Variants in FOXN3 observed in about 807,000 individuals in gnomAD.
FOXN3 encodes the protein forkhead box protein N3.
Under a neutral mutation model 38.4 loss-of-function variants are expected in FOXN3, and 7 were observed. That is an observed-to-expected ratio of 0.18 (90% CI 0.10 to 0.34). The LOEUF (loss-of-function observed/expected upper bound fraction) is 0.34. FOXN3 is among the 10% of genes least tolerant of loss of function. The pLI, the probability that FOXN3 is intolerant of heterozygous loss-of-function variation, is 1.00. For synonymous variants in FOXN3, 230 were observed against 242.2 expected (o/e 0.95, Z 0.47); for missense variants, 456 against 613.4 (o/e 0.74, Z 2.71).
rs536038071 is a variant in FOXN3, at chr14:89,246,064, T to C, written c.745+34886A>G. On this transcript the variant is annotated intron_variant, in intron 4 of 5. Coordinates refer to ENST00000557258, the MANE Select transcript of FOXN3 (RefSeq NM_005197.4). ...TTTCCCCCGCACTGGGTGATGAAAA[T>C]ATTCTAAAACTGCTTGTGCTGATGG... is the stretch of plus-strand genomic sequence containing the variant. 3.9e-5 allele frequency among the ~76,000 whole-genome samples: 6 copies of C among 152,218 alleles called. No homozygotes were observed. The East Asian group carries it at 9.7e-4, about 24-fold the overall frequency.
intron 1 of FOXN3, among the ~76,000 whole-genome samples, chr14:89,530,682 T>C (rs1252408837): frequency 2.0e-5 from 3 of 151,754 alleles, no homozygotes; most frequent in Non-Finnish European, 4.4e-5. Context: ...CGATCTTGGC[T>C]CACTGCAACC....
intron 4 of FOXN3, among the ~76,000 whole-genome samples, chr14:89,234,274 G>A (rs534552924): frequency 6.6e-6 from 1 of 152,174 alleles, no homozygotes; most frequent in Non-Finnish European, 1.5e-5. Context: ...AGTTCTGGAG[G>A]CTAGAAGTCC....
At chr14:89,387,804 C>T (rs548204239) in intron 2 of FOXN3, among the ~76,000 whole-genome samples, 1 of 152,278 alleles carries the variant, frequency 6.6e-6, no homozygotes, top group Admixed American at 6.5e-5. Context: ...ACCATGTGCA[C>T]CATGCAAGGT....
At chr14:89,404,877 A>G (rs955222193) in intron 2 of FOXN3, among the ~76,000 whole-genome samples, 13 of 152,152 alleles carry the variant, frequency 8.5e-5, no homozygotes, top group Non-Finnish European at 1.8e-4. Flanking sequence ...CCCACCCAAC[A>G]TTACACTAAT....
intron 1 of FOXN3, among the ~76,000 whole-genome samples, chr14:89,603,120 G>C (rs753640953): frequency 2.6e-4 from 39 of 151,548 alleles, no homozygotes; most frequent in Non-Finnish European, 4.7e-4. Flanking sequence ...TAATGGAAAG[G>C]GAAAAAAAAA....
intron 1 of FOXN3, among the ~76,000 whole-genome samples, chr14:89,560,990 AG>A (rs1395534260): frequency 6.6e-6 from 1 of 152,200 alleles, no homozygotes; most frequent in Non-Finnish European, 1.5e-5. Context: ...AGAACAGGTA[AG>A]GGAGTTTGGA....
At chr14:89,411,147 G>C (rs774692291) in intron 2 of FOXN3, among the ~76,000 whole-genome samples, 1 of 152,148 alleles carries the variant, frequency 6.6e-6, no homozygotes, top group Non-Finnish European at 1.5e-5. Flanking sequence ...TGTATGCAAC[G>C]GATCTAGGTT....
intron 3 of FOXN3, among the ~76,000 whole-genome samples, chr14:89,315,533 C>T (rs1383029566): frequency 6.6e-6 from 1 of 152,154 alleles, no homozygotes; most frequent in African/African-American, 2.4e-5. Context: ...CCGAACTCTC[C>T]TCCATGGCTT....
chr14:89,387,818 T>C (rs945130911), intron 2 of FOXN3, among the ~76,000 whole-genome samples: 1 of 152,116 alleles, frequency 6.6e-6, no homozygotes. Flanking sequence ...GCAAGGTGAA[T>C]TCTGCAGGGC....
chr14:89,324,443 CGTGTGTGTGTGTGTGT>C (rs71130053), intron 3 of FOXN3, among the ~76,000 whole-genome samples: 45 of 143,490 alleles, frequency 3.1e-4, no homozygotes, highest in South Asian at 7.0e-4. Context: ...TAAGTGTGTG[CGTGTGTGTGTGTGTGT>C]GTGTGTGTGT....
chr14:89,270,334 G>T (rs118035615), intron 4 of FOXN3, among the ~76,000 whole-genome samples: 2,199 of 152,334 alleles, frequency 0.014, 31 homozygotes, highest in Middle Eastern at 0.024. Context: ...GCTGTTGTCT[G>T]TCGGGGGTGG....
At position 89,252,690 on chromosome 14, in the gene FOXN3, T is replaced by G. The variant is rs377520543; in HGVS notation, c.745+28260A>C. On this transcript the variant is annotated intron_variant, in intron 4 of 5. Transcript: ENST00000557258. ...AAAAAAAAAATCAGGAAATTTTACA[T>G]AAATATCTCGAAGAGGTGTGTGAAG... is the stretch of plus-strand genomic sequence containing the variant. 7.3e-5 allele frequency among the ~76,000 whole-genome samples: 11 copies of G among 149,796 alleles called. No homozygotes were observed. In the South Asian group the frequency reaches 2.3e-3, roughly 32 times the overall value.
At chr14:89,260,178 C>A (rs151150409) in intron 4 of FOXN3, among the ~76,000 whole-genome samples, 2 of 152,388 alleles carry the variant, frequency 1.3e-5, no homozygotes, top group African/African-American at 2.4e-5. Flanking sequence ...CCTCACCCTG[C>A]ACAGTCGGTG....
At position 89,333,759 on chromosome 14, in the gene FOXN3, A is replaced by AC. The variant is rs1566959191; in HGVS notation, c.680+16912_680+16913insG. On this transcript the variant is annotated intron_variant, in intron 3 of 5. Transcript: ENST00000557258. ...ACACAGAGAGACTATTAAAAAAAAAAAAAAAAAAAAAAAAAAACAGAACCC... is the reference window on the plus strand; with the variant it reads ...ACACAGAGAGACTATTAAAAAAAAAACAAAAAAAAAAAAAAAAACAGAACCC... Among the ~76,000 whole-genome samples the AC allele has an allele frequency of 1.2e-4, 12 of 101,666 alleles. No homozygotes were observed. The South Asian group carries it at 1.3e-3, about 11-fold the overall frequency. The allele number at this position is 101,666 out of a possible 152,430, so 66.7% of individuals were successfully genotyped here. A position where few individuals can be genotyped will look rare whatever the true frequency, so the allele number is the denominator to read the frequency against.
intron 1 of FOXN3, among the ~76,000 whole-genome samples, chr14:89,588,114 T>C (rs569084774): frequency 2.6e-5 from 4 of 152,166 alleles, no homozygotes; most frequent in Admixed American, 6.5e-5. Context: ...ATCTTCACAA[T>C]AGTGACTTCT....
intron 4 of FOXN3, among the ~76,000 whole-genome samples, chr14:89,225,567 A>G (rs1884610521): frequency 6.6e-6 from 1 of 151,780 alleles, no homozygotes; most frequent in African/African-American, 2.4e-5. Flanking sequence ...TCGTGCCACT[A>G]CACTCCAGCC....
At chr14:89,355,252 G>A (rs1360502154) in intron 2 of FOXN3, 1 of 149,102 alleles carries the variant, frequency 6.7e-6, no homozygotes, top group Non-Finnish European at 1.5e-5. Context: ...TGGAAATGGA[G>A]TCTCACTCTG....
chr14:89,454,239 G>A (rs1034074449), intron 1 of FOXN3, among the ~76,000 whole-genome samples: 1 of 152,206 alleles, frequency 6.6e-6, no homozygotes, highest in Non-Finnish European at 1.5e-5. Context: ...AGGAGGCGGA[G>A]GTTGCAGTGA....
rs1206798300 is a variant in FOXN3, at chr14:89,342,859, A to G, written c.680+7813T>C. ...ACGCTTTTAAATTAAACTTATCCAA[A>G]TAAGTGTATTGAATATGAGGGGCAT... On this transcript the variant is annotated intron_variant, in intron 3 of 5. Coordinates refer to ENST00000557258, the MANE Select transcript of FOXN3 (RefSeq NM_005197.4). Among the ~76,000 whole-genome samples the G allele has an allele frequency of 1.1e-4, 17 of 152,332 alleles. No individual in the cohort carries two copies. In the South Asian group the frequency reaches 1.4e-3, roughly 13 times the overall value.
Sources: gnomAD v4.1 joint callset for allele counts (sites outside exome capture counted in the v4.1 genomes callset) on GRCh38, gnomAD v4.1.1 for gene constraint, MANE v1.5 for transcripts, NCBI Gene and HGNC (gene_info 2026-07-23, HGNC 2026-07-21) for gene names.